Variants in AGBL1 observed in about 807,000 individuals in gnomAD.
AGBL1 encodes cytosolic carboxypeptidase 4.
AGBL1 carries 130 observed loss-of-function variants against 118.9 expected under a neutral mutation model. That is an observed-to-expected ratio of 1.09 (90% CI 0.95 to 1.26). The LOEUF (loss-of-function observed/expected upper bound fraction) is 1.26. Among genes scored for constraint, AGBL1 ranks in the 50% most tolerant of loss-of-function variants. The pLI is 0.00. For synonymous variants in AGBL1, 555 were observed against 478.9 expected, an observed-to-expected ratio of 1.16 and a Z score of -2.08; for missense variants, 1,584 against 1,298.1, an observed-to-expected ratio of 1.22 and a Z score of -3.38.
At chr15:86,143,582 T>C (rs1050331936) in intron 2 of AGBL1, 117 bp from the exon 3 acceptor site, 1 of 1,292,360 alleles carries the variant, frequency 7.7e-7, no homozygotes, top group African/African-American at 1.5e-5. Flanking sequence ...CTACATAATT[T>C]TACGTAGTTG....
intron 1 of AGBL1, among the ~76,000 whole-genome samples, chr15:86,130,012 T>A (rs2076798686): frequency 6.6e-6 from 1 of 152,182 alleles, no homozygotes; most frequent in South Asian, 2.1e-4. Flanking sequence ...ACTGTAGAGC[T>A]GTTCTTTTAA....
intron 22 of AGBL1, among the ~76,000 whole-genome samples, chr15:86,903,035 T>C (rs1467214363): frequency 1.3e-5 from 2 of 152,156 alleles, no homozygotes; most frequent in African/African-American, 4.8e-5. Context: ...GAAATGAAGA[T>C]TAGATCTTTT....
intron 22 of AGBL1, among the ~76,000 whole-genome samples, chr15:86,815,855 CAAAAT>C (rs2078851124): frequency 6.6e-6 from 1 of 151,980 alleles, no homozygotes; most frequent in Non-Finnish European, 1.5e-5. Flanking sequence ...AACAAACAAA[CAAAAT>C]AAACAGAACA....
chr15:86,086,132 A>G (rs1895634437), intron 1 of AGBL1: 1 of 152,190 alleles, frequency 6.6e-6, no homozygotes, highest in Non-Finnish European at 1.5e-5. Flanking sequence ...ACTTGGCAAT[A>G]TTTACTCCAC....
intron 18 of AGBL1, among the ~76,000 whole-genome samples, chr15:86,485,477 G>A (rs2082701328): frequency 6.6e-6 from 1 of 152,052 alleles, no homozygotes. Context: ...CAGCTACACA[G>A]TCTCTGATGA....
At chr15:86,662,154 A>G (rs1201316921) in intron 21 of AGBL1, among the ~76,000 whole-genome samples, 1 of 152,218 alleles carries the variant, frequency 6.6e-6, no homozygotes, top group Non-Finnish European at 1.5e-5. Context: ...CTAAGCAAAG[A>G]TGAGTGGCAT....
chr15:86,994,318 T>TAG (rs774634649), intron 24 of AGBL1, among the ~76,000 whole-genome samples: 14,978 of 152,056 alleles, frequency 0.099, 1,305 homozygotes, highest in African/African-American at 0.23. Flanking sequence ...TCTCTATATA[T>TAG]ATATATCCTG....
chr15:86,233,317 G>C (rs187742843), intron 6 of AGBL1, among the ~76,000 whole-genome samples: 1 of 151,458 alleles, frequency 6.6e-6, no homozygotes, highest in African/African-American at 2.4e-5. Flanking sequence ...ACTTCAGTTT[G>C]GTTTTTCAAA....
intron 1 of AGBL1, among the ~76,000 whole-genome samples, chr15:86,089,112 A>G (rs1895858370): frequency 6.6e-6 from 1 of 152,244 alleles, no homozygotes; most frequent in Non-Finnish European, 1.5e-5. Flanking sequence ...AAAACCCACT[A>G]GTATTTCATA....
chr15:86,673,737 T>C (rs1340156901), intron 21 of AGBL1, among the ~76,000 whole-genome samples: 1 of 152,170 alleles, frequency 6.6e-6, no homozygotes, highest in African/African-American at 2.4e-5. Flanking sequence ...ATGATTTTGC[T>C]TTCATGCATA....
chr15:86,467,220 G>A (rs2082418762), intron 18 of AGBL1, among the ~76,000 whole-genome samples: 1 of 152,198 alleles, frequency 6.6e-6, no homozygotes, highest in Non-Finnish European at 1.5e-5. Context: ...GCTTTGGAGA[G>A]CTGTGGTGGG....
intron 22 of AGBL1, among the ~76,000 whole-genome samples, chr15:86,678,860 T>G (rs991828865): frequency 3.3e-5 from 5 of 152,128 alleles, no homozygotes; most frequent in Non-Finnish European, 7.4e-5. Flanking sequence ...ATCCACCTTT[T>G]ATCACGGATT....
intron 22 of AGBL1, among the ~76,000 whole-genome samples, chr15:86,718,453 T>C (rs770856226): frequency 3.9e-5 from 6 of 151,982 alleles, no homozygotes; most frequent in African/African-American, 7.3e-5. Flanking sequence ...AGTTAATGGG[T>C]GCAGTACACC....
At chr15:86,585,412 A>T (rs11858786) in intron 21 of AGBL1, among the ~76,000 whole-genome samples, 221 of 152,084 alleles carry the variant, frequency 1.5e-3, no homozygotes, top group Admixed American at 4.2e-3. Flanking sequence ...ATTTATTTAG[A>T]GACAGGGTCT....
chr15:86,877,402 G>A (rs560118265), intron 22 of AGBL1, among the ~76,000 whole-genome samples: 2 of 152,336 alleles, frequency 1.3e-5, no homozygotes, highest in East Asian at 3.9e-4. Flanking sequence ...ATGCAGAAGA[G>A]ATTGGGCAGA....
chr15:87,002,604 C>A (rs928914270), intron 24 of AGBL1, among the ~76,000 whole-genome samples: 1 of 152,068 alleles, frequency 6.6e-6, no homozygotes, highest in Admixed American at 6.6e-5. Flanking sequence ...TTCTTCCTAT[C>A]CATGAGCTTG....
At chr15:86,461,032 T>C (rs529281294) in intron 18 of AGBL1, among the ~76,000 whole-genome samples, 2 of 152,186 alleles carry the variant, frequency 1.3e-5, no homozygotes, top group Non-Finnish European at 2.9e-5. Flanking sequence ...TTCTTTGTTT[T>C]GGATATGAGC....
chr15:86,986,111 A>G (rs2081279612), intron 23 of AGBL1, among the ~76,000 whole-genome samples: 1 of 151,902 alleles, frequency 6.6e-6, no homozygotes, highest in Non-Finnish European at 1.5e-5. Flanking sequence ...TTTAGTAGAG[A>G]CGGGGTTTCG....
intron 21 of AGBL1, among the ~76,000 whole-genome samples, chr15:86,557,123 T>G (rs116863478): frequency 6.6e-6 from 1 of 152,232 alleles, no homozygotes; most frequent in African/African-American, 2.4e-5. Context: ...TCTCTGTTGC[T>G]AGGTCATACA....
Sources: gnomAD v4.1 joint callset for allele counts (sites outside exome capture counted in the v4.1 genomes callset) on GRCh38, gnomAD v4.1.1 for gene constraint, MANE v1.5 for transcripts, NCBI Gene and HGNC (gene_info 2026-07-23, HGNC 2026-07-21) for gene names.